MAF: variants seen among roughly 807,000 people sequenced by gnomAD.
The protein encoded by MAF is transcription factor Maf.
MAF carries 10 observed loss-of-function variants against 22.0 expected under a neutral mutation model. That is an observed-to-expected ratio of 0.45 (90% CI 0.28 to 0.77). The LOEUF (loss-of-function observed/expected upper bound fraction) is 0.77, where lower values mean the gene tolerates loss of function less well. Ranked by LOEUF, MAF falls within the 30% of genes least tolerant of loss-of-function variation. The pLI is 0.12. For missense variants in MAF, 544 were observed against 548.4 expected (o/e 0.99, Z 0.08); for synonymous variants, 337 against 255.8 (o/e 1.32, Z -3.03).
At chr16:79,214,859 C>A in the MAF span, among the ~76,000 whole-genome samples, 14 of 151,346 alleles carry the variant, frequency 9.3e-5, no homozygotes, top group African/African-American at 3.4e-4. Flanking sequence ...TACAGGTGCC[C>A]ACAACCACAC....
chr16:79,519,014 G>A, the MAF span, among the ~76,000 whole-genome samples: 9 of 152,180 alleles, frequency 5.9e-5, no homozygotes, highest in African/African-American at 2.2e-4. Flanking sequence ...AAGCTCCTAG[G>A]AATGGAAGAG....
the MAF span, among the ~76,000 whole-genome samples, chr16:79,219,352 C>G: frequency 2.0e-5 from 3 of 152,060 alleles, no homozygotes; most frequent in Non-Finnish European, 2.9e-5. Flanking sequence ...AAACGCCTAT[C>G]TGAAATTCTG....
chr16:79,391,618 G>A, the MAF span, among the ~76,000 whole-genome samples: 71 of 152,262 alleles, frequency 4.7e-4, no homozygotes, highest in Non-Finnish European at 9.0e-4. Flanking sequence ...GGGGCACCCT[G>A]GATATGAGTT....
the MAF span, among the ~76,000 whole-genome samples, chr16:79,233,758 C>G: frequency 9.9e-5 from 15 of 152,034 alleles, no homozygotes; most frequent in Middle Eastern, 3.4e-3. Flanking sequence ...TTTTGGGAGG[C>G]CGAGGCAAGC....
At chr16:79,328,571 C>T in the MAF span, among the ~76,000 whole-genome samples, 1 of 152,194 alleles carries the variant, frequency 6.6e-6, no homozygotes, top group Non-Finnish European at 1.5e-5. Flanking sequence ...TAATTCTCTT[C>T]AGAGCCTAAA....
the MAF span, among the ~76,000 whole-genome samples, chr16:79,488,958 G>A: frequency 6.6e-6 from 1 of 152,160 alleles, no homozygotes; most frequent in African/African-American, 2.4e-5. Context: ...CTGCCCTGTT[G>A]GCCTTTCAGG....
At chr16:79,545,835 G>A in the MAF span, among the ~76,000 whole-genome samples, 5 of 151,970 alleles carry the variant, frequency 3.3e-5, no homozygotes, top group African/African-American at 1.2e-4. Context: ...ATACAACCTG[G>A]TCACTATAGT....
At chr16:79,412,876 T>C in the MAF span, among the ~76,000 whole-genome samples, 1 of 152,242 alleles carries the variant, frequency 6.6e-6, no homozygotes, top group African/African-American at 2.4e-5. Flanking sequence ...GTGCTTGTCC[T>C]GAAATCTCAC....
At chr16:79,232,927 GC>G in the MAF span, among the ~76,000 whole-genome samples, 4 of 143,870 alleles carry the variant, frequency 2.8e-5, no homozygotes, top group African/African-American at 5.2e-5. Flanking sequence ...TGCAAGCTCT[GC>G]CTCCCGGGTT....
chr16:79,583,036 C>A (rs1912620765), downstream of MAF, among the ~76,000 whole-genome samples: 1 of 152,136 alleles, frequency 6.6e-6, no homozygotes. Flanking sequence ...ATGGGTTCTG[C>A]AAGGGAAATT....
the MAF span, among the ~76,000 whole-genome samples, chr16:79,459,492 C>T: frequency 1.4e-4 from 22 of 152,180 alleles, no homozygotes; most frequent in African/African-American, 3.9e-4. Context: ...GTTTTTCTAT[C>T]GTAAGCTTCA....
chr16:79,235,338 A>G, the MAF span, among the ~76,000 whole-genome samples: 99 of 152,152 alleles, frequency 6.5e-4, no homozygotes, highest in African/African-American at 2.3e-3. Context: ...AGATCACTTG[A>G]AGCCAGGAGT....
chr16:79,444,758 T>C, the MAF span, among the ~76,000 whole-genome samples: 3 of 152,162 alleles, frequency 2.0e-5, no homozygotes, highest in Admixed American at 6.5e-5. Context: ...TGAAGGACTT[T>C]GGAAGATTAT....
chr16:79,330,479 A>G, the MAF span, among the ~76,000 whole-genome samples: 2 of 152,322 alleles, frequency 1.3e-5, no homozygotes, highest in African/African-American at 4.8e-5. Flanking sequence ...CCGTACAGGA[A>G]TGCTCTGGCC....
the MAF span, among the ~76,000 whole-genome samples, chr16:79,242,928 A>C: frequency 6.6e-6 from 1 of 152,120 alleles, no homozygotes. Context: ...ATGGAAACTG[A>C]ATAACCTGCT....
chr16:79,415,979 C>T, the MAF span, among the ~76,000 whole-genome samples: 1 of 152,036 alleles, frequency 6.6e-6, no homozygotes, highest in East Asian at 1.9e-4. Context: ...CCAAGCATCC[C>T]TCTTGGGTGA....
chr16:79,581,602 C>T (rs1312160826), downstream of MAF, among the ~76,000 whole-genome samples: 1 of 152,160 alleles, frequency 6.6e-6, no homozygotes, highest in African/African-American at 2.4e-5. Flanking sequence ...TGCCTACCTG[C>T]TAGCAAATGA....
chr16:79,406,539 C>T, the MAF span, among the ~76,000 whole-genome samples: 1 of 152,118 alleles, frequency 6.6e-6, no homozygotes, highest in Non-Finnish European at 1.5e-5. Flanking sequence ...GCGACCTCCC[C>T]AGGGCCTCTT....
chr16:79,550,173 C>A, the MAF span, among the ~76,000 whole-genome samples: 25 of 152,062 alleles, frequency 1.6e-4, no homozygotes, highest in Non-Finnish European at 3.1e-4. Context: ...TGTTTAATAA[C>A]CCCCCTGGCT....
Sources: allele counts gnomAD v4.1 joint callset (sites outside exome capture counted in the v4.1 genomes callset), GRCh38; gene constraint gnomAD v4.1.1; transcripts MANE v1.5; gene names NCBI Gene and HGNC (gene_info 2026-07-23, HGNC 2026-07-21).